Variants in GRM8 observed in about 807,000 individuals in gnomAD.
GRM8 encodes the protein glutamate metabotropic receptor 8, also known as metabotropic glutamate receptor 8.
Under a neutral mutation model 87.2 loss-of-function variants are expected in GRM8, and 47 were observed. The ratio of observed to expected loss-of-function variants is 0.54; its 90% CI spans 0.43 to 0.69. The LOEUF (loss-of-function observed/expected upper bound fraction) is 0.69, where lower values mean the gene tolerates loss of function less well. Ranked by LOEUF, GRM8 falls within the 30% of genes least tolerant of loss-of-function variation. The pLI, the probability that GRM8 is intolerant of heterozygous loss-of-function variation, is 0.00. For synonymous variants in GRM8, 396 were observed against 404.5 expected (o/e 0.98, Z 0.25); for missense variants, 1,019 against 1,139.2 (o/e 0.89, Z 1.52).
At chr7:126,554,334 C>T (rs1304810173) in intron 8 of GRM8, among the ~76,000 whole-genome samples, 1 of 151,840 alleles carries the variant, frequency 6.6e-6, no homozygotes. Context: ...AATCCCAGCA[C>T]TTTGGGAGGC....
At chr7:126,890,427 T>C (rs551111904) in intron 6 of GRM8, among the ~76,000 whole-genome samples, 2 of 152,176 alleles carry the variant, frequency 1.3e-5, no homozygotes, top group East Asian at 3.9e-4. Context: ...CCTTGAACTA[T>C]CTCACATATC....
In GRM8 at chr7:126,527,407, G is replaced by A. The variant is rs73722640; in HGVS notation, c.2430+5545C>T. 4.7e-3 allele frequency among the ~76,000 whole-genome samples: 713 copies of A among 152,290 alleles called. 2 individuals carry two copies. The highest frequency in any genetic ancestry group is 0.017 in the African/African-American group (690 of 41,574). On this transcript the variant is annotated intron_variant, in intron 9 of 10. Coordinates refer to ENST00000339582, the MANE Select transcript of GRM8 (RefSeq NM_000845.3). ...ATGGTATATAGTTTACCAACAGGTA[G>A]CCTAAGATAGTTATATGCAGTGATT... is the stretch of plus-strand genomic sequence containing the variant.
chr7:127,037,595 G>C (rs973055751), intron 3 of GRM8, among the ~76,000 whole-genome samples: 1 of 152,136 alleles, frequency 6.6e-6, no homozygotes, highest in Non-Finnish European at 1.5e-5. Context: ...GCATCCATCA[G>C]CCCAGGCTGC....
At chr7:127,073,716 A>T (rs908308011) in intron 3 of GRM8, among the ~76,000 whole-genome samples, 2 of 152,156 alleles carry the variant, frequency 1.3e-5, no homozygotes, top group African/African-American at 4.8e-5. Flanking sequence ...GTTCTCACGA[A>T]TCATGAGGTG....
intron 7 of GRM8, among the ~76,000 whole-genome samples, chr7:126,734,743 G>A (rs1444306931): frequency 1.3e-5 from 2 of 151,890 alleles, no homozygotes; most frequent in Admixed American, 6.6e-5. Context: ...GGCTATTTTA[G>A]TTTAAAACGA....
chr7:127,121,995 C>G (rs1410981281), intron 2 of GRM8, among the ~76,000 whole-genome samples: 1 of 152,112 alleles, frequency 6.6e-6, no homozygotes, highest in Non-Finnish European at 1.5e-5. Context: ...GGCTCAGTGT[C>G]AGAATTATTT....
At chr7:126,580,024 T>C (rs546796037) in intron 8 of GRM8, among the ~76,000 whole-genome samples, 178 of 152,228 alleles carry the variant, frequency 1.2e-3, no homozygotes, top group Non-Finnish European at 2.3e-3. Flanking sequence ...TAGAACAAAT[T>C]AGTATTTTTA....
At chr7:126,775,261 T>A (rs535601308) in intron 6 of GRM8, among the ~76,000 whole-genome samples, 8 of 152,130 alleles carry the variant, frequency 5.3e-5, no homozygotes, top group Non-Finnish European at 8.8e-5. Flanking sequence ...AATACATTTA[T>A]GCATCTAGGC....
At chr7:126,455,298 C>T (rs1803104705) in intron 9 of GRM8, among the ~76,000 whole-genome samples, 1 of 150,402 alleles carries the variant, frequency 6.6e-6, no homozygotes, top group African/African-American at 2.4e-5. Flanking sequence ...TGAGGTTTCT[C>T]TAATTTGAAA....
intron 3 of GRM8, among the ~76,000 whole-genome samples, chr7:126,906,344 G>A (rs1266506305): frequency 6.6e-6 from 1 of 152,078 alleles, no homozygotes. Context: ...ATATGGGGGT[G>A]TCACTCTGTC....
intron 6 of GRM8, among the ~76,000 whole-genome samples, chr7:126,793,521 T>C (rs1821598288): frequency 6.6e-6 from 1 of 152,176 alleles, no homozygotes; most frequent in Non-Finnish European, 1.5e-5. Flanking sequence ...GTGAAGTCAT[T>C]GTGAAAACTG....
chr7:126,823,849 A>G (rs1383996569), intron 6 of GRM8, among the ~76,000 whole-genome samples: 1 of 152,178 alleles, frequency 6.6e-6, no homozygotes, highest in Admixed American at 6.5e-5. Context: ...CTCAATGTAC[A>G]CAAGAGTTGA....
intron 2 of GRM8, among the ~76,000 whole-genome samples, chr7:127,236,212 T>C (rs764623713): frequency 7.2e-5 from 11 of 152,170 alleles, no homozygotes; most frequent in Non-Finnish European, 1.3e-4. Context: ...AATTTCTTAA[T>C]GTTAAAAATA....
intron 7 of GRM8, among the ~76,000 whole-genome samples, chr7:126,638,158 G>T (rs2151194880): frequency 6.6e-6 from 1 of 152,002 alleles, no homozygotes; most frequent in East Asian, 1.9e-4. Context: ...CTTTTATCAG[G>T]TGCTAAAATA....
intron 9 of GRM8, among the ~76,000 whole-genome samples, chr7:126,520,588 T>C (rs115359628): frequency 1.4e-4 from 21 of 151,942 alleles, no homozygotes; most frequent in Non-Finnish European, 3.1e-4. Flanking sequence ...AGAAGGAAGA[T>C]GAGATAAAGA....
chr7:127,041,004 T>G (rs1250190728), intron 3 of GRM8, among the ~76,000 whole-genome samples: 1 of 152,248 alleles, frequency 6.6e-6, no homozygotes, highest in Non-Finnish European at 1.5e-5. Context: ...AGGTGTTCAA[T>G]TCATGTTTGA....
In GRM8 at chr7:126,449,707, T is replaced by C. The variant is rs565541186; in HGVS notation, c.2431-3335A>G. Among the ~76,000 whole-genome samples the C allele has an allele frequency of 5.9e-5, 9 of 151,980 alleles. No individual in the cohort carries two copies. The East Asian group carries it at 1.8e-3, about 30-fold the overall frequency. ...TGCTTAGAATAATATAACAGCTCTT[T>C]ATCTCAAAGTTACAGCTCATCAGAA... On this transcript the variant is annotated intron_variant, in intron 9 of 10. Coordinates refer to ENST00000339582, the MANE Select transcript of GRM8 (RefSeq NM_000845.3).
In GRM8 at chr7:127,196,545, A is replaced by AAG. The variant is rs1563572073; in HGVS notation, c.510+46149_510+46150insCT. The stretch of plus-strand genomic sequence containing the variant: ...AACAAACAAACAAACAAAAAAAAAA[A>AAG]CAAGCAAAAAACCACACATGCCCCT... On this transcript the variant is annotated intron_variant, in intron 2 of 10. Coordinates refer to ENST00000339582, the MANE Select transcript of GRM8 (RefSeq NM_000845.3). Among the ~76,000 whole-genome samples, 3 of 151,642 alleles carry AAG rather than the reference A, an allele frequency of 2.0e-5. No homozygotes were observed. The South Asian group carries it at 6.3e-4, about 32-fold the overall frequency.
chr7:126,824,127 A>G (rs1204305737), intron 6 of GRM8, among the ~76,000 whole-genome samples: 1 of 152,224 alleles, frequency 6.6e-6, no homozygotes, highest in Non-Finnish European at 1.5e-5. Flanking sequence ...AGAAACTGTT[A>G]TTCATATTAA....
Sources: gnomAD v4.1 joint callset for allele counts (sites outside exome capture counted in the v4.1 genomes callset) on GRCh38, gnomAD v4.1.1 for gene constraint, MANE v1.5 for transcripts, NCBI Gene and HGNC (gene_info 2026-07-23, HGNC 2026-07-21) for gene names.